Variants in SEC22C observed in about 807,000 individuals in gnomAD.
SEC22C encodes the protein SEC22 homolog C, vesicle trafficking protein.
Under a neutral mutation model 34.7 loss-of-function variants are expected in SEC22C, and 29 were observed. The ratio of observed to expected loss-of-function variants is 0.84; its 90% CI spans 0.62 to 1.14. SEC22C has a LOEUF of 1.14. Among genes scored for constraint, SEC22C ranks in the 50% most tolerant of loss-of-function variants. The pLI is 0.00. For synonymous variants in SEC22C, 117 were observed against 132.8 expected (o/e 0.88, Z 0.82); for missense variants, 337 against 369.0 (o/e 0.91, Z 0.71).
rs1296842035 is a variant in SEC22C at position 42,553,069 on chromosome 3, C to G, written c.*179G>C. 1 of 1,433,446 alleles carries G rather than the reference C, an allele frequency of 7.0e-7. No homozygotes were observed. The highest frequency in any genetic ancestry group is 1.4e-5 in the African/African-American group (1 of 69,634). 88.8% of individuals were successfully genotyped at this position (1,433,446 alleles called of 1,614,324 possible). The stretch of plus-strand genomic sequence containing the variant: ...AGTAATGCTTGGCACAGAACCAAGG[C>G]TGGGTATCAAGCAACCTCATGACTT... On this transcript the variant is annotated 3_prime_UTR_variant, in exon 7 of 7. Coordinates refer to ENST00000264454, the MANE Select transcript of SEC22C (RefSeq NM_032970.4).
At chr3:42,591,130 C>T (rs978250389) in intron 1 of SEC22C, 5 of 718,668 alleles carry the variant, frequency 7.0e-6, no homozygotes, top group Non-Finnish European at 1.2e-5. Context: ...GCACAGGCGC[C>T]GGGGCAGGAC....
intron 2 of SEC22C, among the ~76,000 whole-genome samples, chr3:42,568,161 A>ATGAAAT (rs1703373699): frequency 1.3e-5 from 2 of 152,160 alleles, no homozygotes; most frequent in Non-Finnish European, 1.5e-5. Flanking sequence ...TAAAGTAAAA[A>ATGAAAT]TGAAATTTTT....
Position 42,548,841 on chromosome 3 carries a change from C to T in SEC22C, c.*4407G>A. The T allele has an allele frequency of 7.1e-7, 1 of 1,409,056 alleles. No individual in the cohort carries two copies. Among genetic ancestry groups the T allele is most frequent in the Non-Finnish European group, 9.2e-7 (1 of 1,081,504 alleles). 87.3% of individuals were successfully genotyped at this position (1,409,056 alleles called of 1,614,324 possible). A position where few individuals can be genotyped will look rare whatever the true frequency, so the allele number is the denominator to read the frequency against. On this transcript the variant is annotated 3_prime_UTR_variant, in exon 7 of 7. Transcript: ENST00000264454. ...AATGGCTGTGCTGTGCTGCCTGAAGCAGAAAAACCTTCATGTACCAGGTGA... is the reference window on the plus strand; with the variant it reads ...AATGGCTGTGCTGTGCTGCCTGAAGTAGAAAAACCTTCATGTACCAGGTGA...
intron 1 of SEC22C, among the ~76,000 whole-genome samples, chr3:42,600,076 A>T (rs963373533): frequency 6.6e-6 from 1 of 152,206 alleles, no homozygotes; most frequent in Non-Finnish European, 1.5e-5. Flanking sequence ...CTAACAAAAC[A>T]TTTGTATCCA....
chr3:42,591,359 C>T (rs931444586), intron 1 of SEC22C: 7 of 607,684 alleles, frequency 1.2e-5, no homozygotes, highest in Non-Finnish European at 2.1e-5. Context: ...ACGCCACTCC[C>T]GGCTAATTTT....
Position 42,570,214 on chromosome 3 carries a change from G to A in SEC22C, c.-27-1141C>T, listed in dbSNP as rs148570886. On this transcript the variant is annotated intron_variant, in intron 1 of 6. Transcript: ENST00000264454. ...CTACTCTTCATCTCTGTACCTCTAT[G>A]CATTCTTCACTTGTGTCTGCAATGC... 5.0e-3 allele frequency among the ~76,000 whole-genome samples: 757 copies of A among 152,240 alleles called. 5 individuals are homozygous for A. The highest frequency in any genetic ancestry group is 0.034 in the South Asian group (164 of 4,814).
upstream of SEC22C, among the ~76,000 whole-genome samples, chr3:42,583,284 G>A (rs1445629817): frequency 6.6e-6 from 1 of 152,240 alleles, no homozygotes; most frequent in Non-Finnish European, 1.5e-5. Context: ...TGGAGCTGGA[G>A]TGTGGACTAG....
chr3:42,595,875 T>A (rs1705012152), intron 1 of SEC22C, among the ~76,000 whole-genome samples: 1 of 152,208 alleles, frequency 6.6e-6, no homozygotes, highest in Non-Finnish European at 1.5e-5. Context: ...AAAGTGAGGA[T>A]AATGAAAATA....
rs1029712554 is a variant in SEC22C, at chr3:42,569,135, C to T, written c.-27-62G>A. 3.2e-5 allele frequency: 34 copies of T among 1,055,452 alleles called. 2 individuals are homozygous for T. The highest frequency in any genetic ancestry group is 7.0e-5 in the Admixed American group (3 of 42,810). 65.4% of individuals were successfully genotyped at this position (1,055,452 alleles called of 1,614,324 possible). A position where few individuals can be genotyped will look rare whatever the true frequency, so the allele number is the denominator to read the frequency against. ...AATGACAGTGCCAGAAATACCCCCA[C>T]CTGTGAAATGCCCACTCTAGGGTTT... On this transcript the variant is annotated intron_variant, in intron 1 of 6. Coordinates refer to ENST00000264454, the MANE Select transcript of SEC22C (RefSeq NM_032970.4).
intron 1 of SEC22C, among the ~76,000 whole-genome samples, chr3:42,571,927 G>C (rs1406726955): frequency 2.6e-5 from 4 of 152,206 alleles, no homozygotes; most frequent in African/African-American, 9.6e-5. Flanking sequence ...CAGCTACTCA[G>C]GAGGCTGAGG....
At chr3:42,580,382 G>T (rs1333413062) in intron 1 of SEC22C, 1 of 152,202 alleles carries the variant, frequency 6.6e-6, no homozygotes, top group Non-Finnish European at 1.5e-5. Flanking sequence ...ACAGAATACA[G>T]AAGACTCAAA....
Position 42,549,698 on chromosome 3 carries a change from C to G in SEC22C, c.*3550G>C. ...GATGGTTTTCTCATCCCTCCAGAGACTCCAGTTTCAGACTCTGTCTCCAGA... is the reference window on the plus strand; with the variant it reads ...GATGGTTTTCTCATCCCTCCAGAGAGTCCAGTTTCAGACTCTGTCTCCAGA... On this transcript the variant is annotated 3_prime_UTR_variant, in exon 7 of 7. Coordinates refer to ENST00000264454, the MANE Select transcript of SEC22C (RefSeq NM_032970.4). 1 of 985,508 alleles carries G rather than the reference C, an allele frequency of 1.0e-6. No individual in the cohort carries two copies. The highest frequency in any genetic ancestry group is 1.2e-6 in the Non-Finnish European group (1 of 829,984). 61.0% of individuals were successfully genotyped at this position (985,508 alleles called of 1,614,324 possible). A position where few individuals can be genotyped will look rare whatever the true frequency, so the allele number is the denominator to read the frequency against.
intron 4 of SEC22C, among the ~76,000 whole-genome samples, chr3:42,560,617 C>A (rs992168029): frequency 6.6e-6 from 1 of 151,994 alleles, no homozygotes; most frequent in Non-Finnish European, 1.5e-5. Flanking sequence ...TCCCCTCAAA[C>A]CAATCCACTG....
At chr3:42,571,519 G>A (rs1204518967) in intron 1 of SEC22C, among the ~76,000 whole-genome samples, 1 of 152,150 alleles carries the variant, frequency 6.6e-6, no homozygotes, top group East Asian at 1.9e-4. Flanking sequence ...AGATTTTATA[G>A]GCTGCCACGG....
chr3:42,562,050 G>T (rs1702951438), intron 3 of SEC22C, among the ~76,000 whole-genome samples: 1 of 152,020 alleles, frequency 6.6e-6, no homozygotes. Flanking sequence ...TGGAAACTAG[G>T]ATTATATATT....
At chr3:42,560,208 T>A (rs1702815340) in intron 4 of SEC22C, among the ~76,000 whole-genome samples, 2 of 146,342 alleles carry the variant, frequency 1.4e-5, no homozygotes. Context: ...ATAATATATA[T>A]AATACCAATC....
In SEC22C at chr3:42,589,864, C is replaced by A. The variant is rs753354470; in HGVS notation, c.-28+11096G>T. Among the ~76,000 whole-genome samples the A allele has an allele frequency of 5.3e-5, 8 of 152,188 alleles. No homozygotes were observed. In the South Asian group the frequency reaches 1.2e-3, roughly 24 times the overall value. ...CTACAACCAATTCAGTTGCAGTGGT[C>A]ACCAGGAGTAACCATGTGGCCCAAG... On this transcript the variant is annotated intron_variant, in intron 1 of 6. Coordinates refer to the SEC22C transcript ENST00000417572.
intron 1 of SEC22C, among the ~76,000 whole-genome samples, chr3:42,571,057 A>T (rs1703597480): frequency 6.6e-6 from 1 of 152,230 alleles, no homozygotes; most frequent in African/African-American, 2.4e-5. Flanking sequence ...CTCTAAAGGA[A>T]AGCAGTGTGC....
chr3:42,561,060 T>A, intron 4 of SEC22C, 57 bp downstream of exon 4: 12 of 1,520,556 alleles, frequency 7.9e-6, no homozygotes, highest in South Asian at 3.7e-5. Flanking sequence ...AAAATCAACG[T>A]CCATTTGAAA....
Sources: gnomAD v4.1 joint callset for allele counts (sites outside exome capture counted in the v4.1 genomes callset) on GRCh38, gnomAD v4.1.1 for gene constraint, MANE v1.5 for transcripts, NCBI Gene and HGNC (gene_info 2026-07-23, HGNC 2026-07-21) for gene names.